CHRM1: variants seen among roughly 807,000 people sequenced by gnomAD.
CHRM1 encodes cholinergic receptor muscarinic 1.
In CHRM1, 5 loss-of-function variants were observed where a neutral mutation model predicts 31.6. The ratio of observed to expected loss-of-function variants is 0.16; its 90% CI spans 0.08 to 0.33. CHRM1 has a LOEUF of 0.33. CHRM1 is among the 10% of genes least tolerant of loss of function. The pLI, the probability that CHRM1 is intolerant of heterozygous loss-of-function variation, is 1.00. For missense variants in CHRM1, 338 were observed against 610.3 expected (o/e 0.55, Z 4.70); for synonymous variants, 227 against 249.7 (o/e 0.91, Z 0.86).
intron 1 of CHRM1, among the ~76,000 whole-genome samples, chr11:62,915,420 C>T (rs1471190454): frequency 6.6e-6 from 1 of 152,180 alleles, no homozygotes; most frequent in Non-Finnish European, 1.5e-5. Context: ...AGCCCTTTCT[C>T]ACTCACCTCA....
intron 1 of CHRM1, among the ~76,000 whole-genome samples, chr11:62,913,684 A>AAAAAG (rs1565265736): frequency 1.3e-5 from 2 of 151,944 alleles, no homozygotes. Context: ...AAAAAAAAAA[A>AAAAAG]AAAAGAAAAG....
At position 62,920,374 on chromosome 11, in the gene CHRM1, A is replaced by G. The variant is rs539766333; in HGVS notation, c.-79+844T>C. ...CCAGCTGGCCTGCCCAGGAGCTGAC[A>G]ACTCTACAAGCATCAGAGTTCCTGG... is the stretch of plus-strand genomic sequence containing the variant. On this transcript the variant is annotated intron_variant, in intron 1 of 1. Coordinates refer to ENST00000306960, the MANE Select transcript of CHRM1 (RefSeq NM_000738.3). 1.3e-3 allele frequency among the ~76,000 whole-genome samples: 196 copies of G among 152,270 alleles called. 1 individual carries two copies. Among genetic ancestry groups the G allele is most frequent in the African/African-American group, 4.6e-3 (193 of 41,550 alleles).
rs541927280 is a variant in CHRM1 at position 62,919,782 on chromosome 11, T to G, written c.-79+1436A>C. ...GCTCATGGAGGCGGCAGCGCAGTGT[T>G]GTGCTGAGGATGCGGAGAAGGGGTC... On this transcript the variant is annotated intron_variant, in intron 1 of 1. Transcript: ENST00000306960. Among the ~76,000 whole-genome samples the G allele has an allele frequency of 1.1e-4, 17 of 152,304 alleles. No individual in the cohort carries two copies. The South Asian group carries it at 3.3e-3, about 30-fold the overall frequency.
chr11:62,911,146 C>T lies in CHRM1; in HGVS notation c.-46G>A, dbSNP rs764764761. On this transcript the variant is annotated 5_prime_UTR_variant, in exon 2 of 2. The change creates a new upstream start codon in the 5' untranslated region. Transcript: ENST00000306960. ...GTTGGAGAGCCCCTTCCTCCAGGCACGCTACAGGGCTTCCTCAGGGGAAAG... is the reference window on the plus strand; with the variant it reads ...GTTGGAGAGCCCCTTCCTCCAGGCATGCTACAGGGCTTCCTCAGGGGAAAG... 7.0e-6 allele frequency: 11 copies of T among 1,566,602 alleles called. No homozygotes were observed. The Admixed American group carries it at 1.2e-4, about 18-fold the overall frequency.
rs1450331519 is a variant in CHRM1 at position 62,910,698 on chromosome 11, C to T, written c.403G>A (p.Ala135Thr). 6.2e-7 allele frequency: 1 copy of T among 1,614,034 alleles called. No homozygotes were observed. Among genetic ancestry groups the T allele is most frequent in the African/African-American group, 1.3e-5 (1 of 74,912 alleles). ...GCTGCCCGGCGGGGTGTGCGCTTGG[C>T]ACGGTAGCTCAGGGGCCGAGTCACG... ...FSVTRPLSYR[A>T]KRTPRRAALM... The change falls in exon 2 of 2, where the codon GCC becomes ACC. Residue 135 changes from alanine (A) to threonine (T), a missense_variant. Ala to Thr is a moderately conservative substitution (Grantham distance 58, BLOSUM62 0). This residue lies in a region of CHRM1 where 85 missense variants were observed against 257.7 expected (regional missense o/e 0.33). Coordinates refer to ENST00000306960, the MANE Select transcript of CHRM1 (RefSeq NM_000738.3). The surrounding 1 kb of genome is among the most constrained non-coding windows in gnomAD (Gnocchi z 8.7).
At chr11:62,912,906 G>A (rs2085879406) in intron 1 of CHRM1, among the ~76,000 whole-genome samples, 1 of 152,244 alleles carries the variant, frequency 6.6e-6, no homozygotes, top group Non-Finnish European at 1.5e-5. Flanking sequence ...CACCTGGCCT[G>A]TGACAGGCTG....
At chr11:62,918,443 C>T (rs2085912568) in intron 1 of CHRM1, 1 of 152,220 alleles carries the variant, frequency 6.6e-6, no homozygotes, top group African/African-American at 2.4e-5. Flanking sequence ...GAGCATGGTC[C>T]AGAGGCCCCT....
chr11:62,918,274 G>A (rs1300942361), intron 1 of CHRM1: 2 of 152,328 alleles, frequency 1.3e-5, no homozygotes, highest in African/African-American at 4.8e-5. Flanking sequence ...TCTTTAAAGG[G>A]CAGGGTAAGG....
At position 62,909,783 on chromosome 11, in the gene CHRM1, T is replaced by TACAA; in HGVS notation, c.1317_1318insTTGT (p.Arg440LeufsTer2). 1 of 1,614,214 alleles carries TACAA rather than the reference T, an allele frequency of 6.2e-7. No individual in the cohort carries two copies. The highest frequency in any genetic ancestry group is 8.5e-7 in the Non-Finnish European group (1 of 1,180,010). The stretch of plus-strand genomic sequence containing the variant: ...CGCTTGGGGATCTTGCGCCAGCGTC[T>TACAA]CTTGTCCCAGCGGCAAAGCAGCAGC... On this transcript the variant is annotated frameshift_variant, in exon 2 of 2. Coordinates refer to ENST00000306960, the MANE Select transcript of CHRM1 (RefSeq NM_000738.3). LOFTEE classifies it high-confidence loss of function.
At chr11:62,916,594 T>G (rs1388276143) in intron 1 of CHRM1, among the ~76,000 whole-genome samples, 1 of 152,260 alleles carries the variant, frequency 6.6e-6, no homozygotes, top group Non-Finnish European at 1.5e-5. Context: ...ATAGTCGTAT[T>G]GCTAACCACC....
intron 1 of CHRM1, among the ~76,000 whole-genome samples, chr11:62,916,371 T>A (rs2085900420): frequency 6.6e-6 from 1 of 152,214 alleles, no homozygotes; most frequent in Non-Finnish European, 1.5e-5. Flanking sequence ...GCTGGAAATG[T>A]CATCAACTCA....
chr11:62,918,749 A>G (rs1034010971), intron 1 of CHRM1, among the ~76,000 whole-genome samples: 1 of 152,192 alleles, frequency 6.6e-6, no homozygotes, highest in Non-Finnish European at 1.5e-5. Flanking sequence ...CCCAGCGCCC[A>G]GGACCAATCC....
chr11:62,910,749 G>A lies in CHRM1; in HGVS notation c.352C>T (p.Leu118Phe). Residue 118 changes from leucine (L) to phenylalanine (F), a missense_variant, in exon 2 of 2, where the codon CTC (leucine) becomes TTC (phenylalanine). Leu to Phe is a conservative substitution (Grantham distance 22). Around this residue, in one of 4 missense-constraint regions of CHRM1, gnomAD observed 85 missense variants for 257.7 expected, o/e 0.33. Coordinates refer to ENST00000306960, the MANE Select transcript of CHRM1 (RefSeq NM_000738.3). The surrounding 1 kb of genome is among the most constrained non-coding windows in gnomAD (Gnocchi z 8.7). ...GAGAAGTAGCGGTCAAAGCTGATGAGCAGCAGATTCATGACGGAGGCATTG... is the reference window on the plus strand; with the variant it reads ...GAGAAGTAGCGGTCAAAGCTGATGAACAGCAGATTCATGACGGAGGCATTG... Reference protein sequence around the residue: ...ASNASVMNLLLISFDRYFSVT... With the variant: ...ASNASVMNLLFISFDRYFSVT... 1.2e-6 allele frequency: 2 copies of A among 1,614,224 alleles called. No individual in the cohort carries two copies. The highest frequency in any genetic ancestry group is 1.7e-6 in the Non-Finnish European group (2 of 1,180,042).
intron 1 of CHRM1, among the ~76,000 whole-genome samples, chr11:62,911,650 G>A (rs1051128788): frequency 1.1e-4 from 16 of 152,232 alleles, no homozygotes; most frequent in Middle Eastern, 3.2e-3. Flanking sequence ...GTCTCTAGGA[G>A]AAAGGGCTCT....
Position 62,910,089 on chromosome 11 carries a change from C to T in CHRM1, c.1012G>A (p.Gly338Ser), listed in dbSNP as rs763670699. ...TTTCCACGGGGCTTCTGGCCCTTGC[C>T]AGCTCGATCACGCCCTTTCTTAGTC... ...RPTKKGRDRA[G>S]KGQKPRGKEQ... Residue 338 changes from glycine (G) to serine (S), a missense_variant, in exon 2 of 2, where the codon GGC becomes AGC. Physicochemically the swap from Gly to Ser is moderately conservative, Grantham distance 56. Coordinates refer to ENST00000306960, the MANE Select transcript of CHRM1 (RefSeq NM_000738.3). The surrounding 1 kb of genome is among the most constrained non-coding windows in gnomAD (Gnocchi z 8.7). 6.4e-5 allele frequency: 103 copies of T among 1,612,452 alleles called. No individual in the cohort carries two copies. The highest frequency in any genetic ancestry group is 8.4e-5 in the Non-Finnish European group (99 of 1,179,662).
intron 1 of CHRM1, among the ~76,000 whole-genome samples, chr11:62,918,882 G>T (rs1281754755): frequency 1.3e-5 from 2 of 152,144 alleles, no homozygotes; most frequent in Non-Finnish European, 2.9e-5. Flanking sequence ...CGTACCGCTG[G>T]CCAAAGAGTA....
chr11:62,918,406 A>C (rs1762690822), intron 1 of CHRM1: 2 of 152,168 alleles, frequency 1.3e-5, no homozygotes, highest in South Asian at 4.2e-4. Context: ...CCTGAGGGTG[A>C]ACCTGTGGGG....
At chr11:62,911,344 G>A (rs1672069831) in intron 1 of CHRM1, among the ~76,000 whole-genome samples, 166 bp from the exon 2 acceptor site, 1 of 152,168 alleles carries the variant, frequency 6.6e-6, no homozygotes, top group African/African-American at 2.4e-5. Flanking sequence ...CACTTTCCCA[G>A]CCATAAGTGG....
At chr11:62,921,065 C>T (rs2085930867) in intron 1 of CHRM1, among the ~76,000 whole-genome samples, 153 bp downstream of exon 1, 1 of 152,102 alleles carries the variant, frequency 6.6e-6, no homozygotes, top group Non-Finnish European at 1.5e-5. Flanking sequence ...ACAGAGCCCC[C>T]TTGCCCTCTA....
Sources: allele counts gnomAD v4.1 joint callset (sites outside exome capture counted in the v4.1 genomes callset), GRCh38; gene constraint gnomAD v4.1.1; regional missense constraint gnomAD v4.1.1; non-coding constraint Gnocchi (gnomAD v3.1); transcripts MANE v1.5; gene names NCBI Gene and HGNC (gene_info 2026-07-23, HGNC 2026-07-21).